The following LYPD6 variants were observed in gnomAD, a reference collection of about 807,000 sequenced individuals.
LYPD6 encodes LY6/PLAUR domain containing 6, also known as ly6/PLAUR domain-containing protein 6.
A neutral mutation model predicts 22.7 loss-of-function variants in LYPD6; 15 were observed. The observed-to-expected ratio is 0.66, with a 90% confidence interval of 0.44 to 1.02. The LOEUF (loss-of-function observed/expected upper bound fraction) is 1.02, where lower values mean the gene tolerates loss of function less well. Among genes scored for constraint, LYPD6 ranks in the 50% least tolerant of loss-of-function variants. The pLI, the probability that LYPD6 is intolerant of heterozygous loss-of-function variation, is 0.00. For missense variants in LYPD6, 189 were observed against 208.4 expected (o/e 0.91, Z 0.57); for synonymous variants, 72 against 77.5 (o/e 0.93, Z 0.37).
At chr2:149,414,803 G>A (rs1467094980) in intron 1 of LYPD6, among the ~76,000 whole-genome samples, 1 of 152,210 alleles carries the variant, frequency 6.6e-6, no homozygotes, top group Non-Finnish European at 1.5e-5. Context: ...TTAAAATGGT[G>A]ACAGTTTAGC....
chr2:149,336,254 T>C (rs573395216), intron 1 of LYPD6, among the ~76,000 whole-genome samples: 3 of 152,292 alleles, frequency 2.0e-5, no homozygotes, highest in Non-Finnish European at 2.9e-5. Flanking sequence ...ATGGGTGATA[T>C]GCAGTTCTTA....
At chr2:149,435,640 A>T (rs996125508) in intron 1 of LYPD6, among the ~76,000 whole-genome samples, 20 of 152,326 alleles carry the variant, frequency 1.3e-4, no homozygotes, top group African/African-American at 4.8e-4. Flanking sequence ...CTGACTTGCA[A>T]GGGAAAGATA....
chr2:149,334,354 C>G (rs1680994172), intron 1 of LYPD6, among the ~76,000 whole-genome samples: 1 of 152,172 alleles, frequency 6.6e-6, no homozygotes, highest in African/African-American at 2.4e-5. Context: ...TCATACCAAA[C>G]ATGTACTGGG....
chr2:149,429,936 CAGGTGTA>C (rs1683275690), intron 1 of LYPD6, among the ~76,000 whole-genome samples: 1 of 152,088 alleles, frequency 6.6e-6, no homozygotes, highest in Admixed American at 6.6e-5. Context: ...TCCAGAGTAC[CAGGTGTA>C]AGTTGCATCA....
intron 1 of LYPD6, among the ~76,000 whole-genome samples, chr2:149,397,996 T>C (rs935201005): frequency 2.6e-5 from 4 of 151,992 alleles, no homozygotes; most frequent in Admixed American, 6.6e-5. Flanking sequence ...GAAACTCCAT[T>C]AAGAAAAAAA....
chr2:149,419,826 C>T (rs1246721669), intron 1 of LYPD6, among the ~76,000 whole-genome samples: 1 of 137,060 alleles, frequency 7.3e-6, no homozygotes, highest in African/African-American at 3.3e-5. Flanking sequence ...AATATGTGCT[C>T]AGGGTGTGTG....
At chr2:149,345,416 C>T (rs1681235877) in intron 1 of LYPD6, among the ~76,000 whole-genome samples, 1 of 151,002 alleles carries the variant, frequency 6.6e-6, no homozygotes, top group Non-Finnish European at 1.5e-5. Flanking sequence ...ATGCCATTCC[C>T]TGGCCTCAGC....
intron 1 of LYPD6, among the ~76,000 whole-genome samples, chr2:149,416,714 G>A (rs1682971343): frequency 6.6e-6 from 1 of 152,148 alleles, no homozygotes; most frequent in Non-Finnish European, 1.5e-5. Flanking sequence ...CTTGGTTTTG[G>A]GGCCCATGCC....
At chr2:149,485,489 G>C in the LYPD6 span, among the ~76,000 whole-genome samples, 1 of 152,148 alleles carries the variant, frequency 6.6e-6, no homozygotes, top group African/African-American at 2.4e-5. Flanking sequence ...TGCATTGCTG[G>C]TCCTGTGCCA....
In LYPD6 at chr2:149,340,714, A is replaced by G. The variant is rs1322550122; in HGVS notation, c.-72+9992A>G. Among the ~76,000 whole-genome samples the G allele has an allele frequency of 5.3e-5, 8 of 152,210 alleles. No homozygotes were observed. In the East Asian group the frequency reaches 1.5e-3, roughly 29 times the overall value. ...TAGGAACCAACATATAGTTTTTGAC[A>G]TTTAAAATTACCCATTAATGCTGAT... On this transcript the variant is annotated intron_variant, in intron 1 of 4. Coordinates refer to ENST00000334166, the MANE Select transcript of LYPD6 (RefSeq NM_194317.5).
At chr2:149,392,489 G>C (rs942415800) in intron 1 of LYPD6, among the ~76,000 whole-genome samples, 10 of 152,168 alleles carry the variant, frequency 6.6e-5, no homozygotes, top group African/African-American at 2.4e-4. Context: ...GCATAACTCA[G>C]CTCTTCTCTC....
chr2:149,407,651 T>A (rs530141790), intron 1 of LYPD6, among the ~76,000 whole-genome samples: 1 of 152,192 alleles, frequency 6.6e-6, no homozygotes, highest in Non-Finnish European at 1.5e-5. Context: ...TTTTTCAAAC[T>A]TTTCAACTTC....
Position 149,470,954 on chromosome 2 carries a change from A to T in LYPD6, c.*104A>T, listed in dbSNP as rs774435150. 1 of 1,071,852 alleles carries T rather than the reference A, an allele frequency of 9.3e-7. No homozygotes were observed. Among genetic ancestry groups the T allele is most frequent in the Admixed American group, 2.0e-5 (1 of 48,800 alleles). The allele number at this position is 1,071,852 out of a possible 1,614,324, so 66.4% of individuals were successfully genotyped here. ...ACAGTAATTACACATGTGAGACACAACACTCTTGGAGGTCATCACAGCCAA... is the reference window on the plus strand; with the variant it reads ...ACAGTAATTACACATGTGAGACACATCACTCTTGGAGGTCATCACAGCCAA... On this transcript the variant is annotated 3_prime_UTR_variant, in exon 5 of 5. Coordinates refer to ENST00000334166, the MANE Select transcript of LYPD6 (RefSeq NM_194317.5).
In LYPD6 at chr2:149,472,261, G is replaced by A. The variant is rs1268082945; in HGVS notation, c.*1411G>A. Reference sequence around the variant, plus strand: ...AGTTATCTATAATACTTGCACCAGTGTTGAAAAAAGTTAACATGTAGGCAA... The same window carrying A: ...AGTTATCTATAATACTTGCACCAGTATTGAAAAAAGTTAACATGTAGGCAA... On this transcript the variant is annotated 3_prime_UTR_variant, in exon 5 of 5. Coordinates refer to ENST00000334166, the MANE Select transcript of LYPD6 (RefSeq NM_194317.5). 6.6e-6 allele frequency: 1 copy of A among 152,176 alleles called. No individual in the cohort carries two copies. The highest frequency in any genetic ancestry group is 1.9e-4 in the East Asian group (1 of 5,194). 9.4% of individuals were successfully genotyped at this position (152,176 alleles called of 1,614,324 possible).
chr2:149,420,538 T>G (rs1683055481), intron 1 of LYPD6, among the ~76,000 whole-genome samples: 1 of 151,930 alleles, frequency 6.6e-6, no homozygotes, highest in Non-Finnish European at 1.5e-5. Flanking sequence ...TCACCTGGAG[T>G]ATTTCAAGGG....
intron 3 of LYPD6, among the ~76,000 whole-genome samples, chr2:149,462,340 A>T (rs1001051638): frequency 6.6e-6 from 1 of 152,018 alleles, no homozygotes; most frequent in African/African-American, 2.4e-5. Flanking sequence ...AGAAGAATTA[A>T]ATACTTCCAG....
At chr2:149,335,641 C>G (rs1164187876) in intron 1 of LYPD6, among the ~76,000 whole-genome samples, 2 of 152,226 alleles carry the variant, frequency 1.3e-5, no homozygotes, top group African/African-American at 4.8e-5. Flanking sequence ...GCCTTCACTT[C>G]TACTTCCCAC....
At chr2:149,433,170 T>G (rs951035907) in intron 1 of LYPD6, among the ~76,000 whole-genome samples, 15 of 152,326 alleles carry the variant, frequency 9.8e-5, no homozygotes, top group African/African-American at 3.1e-4. Flanking sequence ...CTTTAAGAAT[T>G]TGGAAATTCA....
intron 1 of LYPD6, among the ~76,000 whole-genome samples, chr2:149,332,067 A>G (rs1680949483): frequency 6.6e-6 from 1 of 152,266 alleles, no homozygotes; most frequent in African/African-American, 2.4e-5. Context: ...GTATTTGTGC[A>G]ATCGCCCATG....
Sources: gnomAD v4.1 joint callset for allele counts (sites outside exome capture counted in the v4.1 genomes callset) on GRCh38, gnomAD v4.1.1 for gene constraint, MANE v1.5 for transcripts, NCBI Gene and HGNC (gene_info 2026-07-23, HGNC 2026-07-21) for gene names.